RAD54L: variants seen among roughly 807,000 people sequenced by gnomAD.
RAD54L encodes the protein DNA repair and recombination protein RAD54-like.
Under a neutral mutation model 91.6 loss-of-function variants are expected in RAD54L, and 74 were observed. That is an observed-to-expected ratio of 0.81 (90% CI 0.67 to 0.98). RAD54L has a LOEUF of 0.98. Ranked by LOEUF, RAD54L falls within the 50% of genes least tolerant of loss-of-function variation. The pLI, the probability that RAD54L is intolerant of heterozygous loss-of-function variation, is 0.00. For missense variants in RAD54L, 887 were observed against 945.7 expected (o/e 0.94, Z 0.81); for synonymous variants, 304 against 349.7 (o/e 0.87, Z 1.46).
At chr1:46,255,577 CA>C (rs1659919805) in intron 3 of RAD54L, among the ~76,000 whole-genome samples, 1 of 148,470 alleles carries the variant, frequency 6.7e-6, no homozygotes, top group Admixed American at 6.9e-5. Context: ...CGGCTCACTG[CA>C]GCCTCTGCCT....
intron 3 of RAD54L, among the ~76,000 whole-genome samples, chr1:46,250,743 G>A (rs1659774941): frequency 6.6e-6 from 1 of 152,196 alleles, no homozygotes; most frequent in South Asian, 2.1e-4. Context: ...GGAAGGCTGA[G>A]ATGGGTGGAT....
intron 8 of RAD54L, among the ~76,000 whole-genome samples, chr1:46,261,855 C>T (rs374160907): frequency 1.3e-5 from 2 of 152,234 alleles, no homozygotes; most frequent in Non-Finnish European, 2.9e-5. Context: ...GGGCTGGCCA[C>T]GATGATTCAC....
intron 16 of RAD54L, 98 bp from the exon 17 acceptor site, chr1:46,277,719 G>A (rs1456324284): frequency 4.4e-6 from 6 of 1,352,724 alleles, no homozygotes; most frequent in African/African-American, 4.3e-5. Flanking sequence ...TCCTCTTCTC[G>A]GGTAGCTGTA....
chr1:46,261,187 G>C, intron 7 of RAD54L, 74 bp from the exon 8 acceptor site: 1 of 1,584,246 alleles, frequency 6.3e-7, no homozygotes, highest in South Asian at 1.1e-5. Context: ...TTAAAGAACT[G>C]TCTAATTGTT....
intron 1 of RAD54L, 35 bp from the exon 2 acceptor site, chr1:46,248,477 T>G (rs750212583): frequency 6.2e-7 from 1 of 1,613,668 alleles, no homozygotes; most frequent in East Asian, 2.2e-5. Flanking sequence ...GGCTGCAGGA[T>G]CCTTGCAGGC....
chr1:46,257,283 G>GT (rs1299549829), intron 3 of RAD54L, among the ~76,000 whole-genome samples: 2 of 151,870 alleles, frequency 1.3e-5, no homozygotes, highest in Non-Finnish European at 2.9e-5. Flanking sequence ...ATTAGACTAT[G>GT]TTTTTTGCTA....
chr1:46,250,121 T>C lies in RAD54L; in HGVS notation c.210+2T>C, dbSNP rs1659757914. 1 of 1,614,076 alleles carries C rather than the reference T, an allele frequency of 6.2e-7. No homozygotes were observed. Among genetic ancestry groups the C allele is most frequent in the African/African-American group, 1.3e-5 (1 of 74,938 alleles). On this transcript the variant is annotated splice_donor_variant, in intron 3 of 17. Coordinates refer to ENST00000371975, the MANE Select transcript of RAD54L (RefSeq NM_003579.4). LOFTEE classifies it high-confidence loss of function. ...CCTTGTCTGGACAGCAGTCAGCATG[T>C]AAGCCAGAACTGCAACCTGCATGTG...
At chr1:46,273,022 C>T (rs1033933608) in intron 12 of RAD54L, among the ~76,000 whole-genome samples, 1 of 152,212 alleles carries the variant, frequency 6.6e-6, no homozygotes, top group Non-Finnish European at 1.5e-5. Flanking sequence ...CCAGCCCATG[C>T]TTGATGACCT....
At chr1:46,259,301 G>T (rs373404050) in intron 4 of RAD54L, among the ~76,000 whole-genome samples, 1 of 151,984 alleles carries the variant, frequency 6.6e-6, no homozygotes, top group Non-Finnish European at 1.5e-5. Context: ...ACAGGCTTGA[G>T]ATACTACGCT....
intron 8 of RAD54L, among the ~76,000 whole-genome samples, chr1:46,266,472 A>C (rs1490302147): frequency 6.6e-6 from 1 of 152,234 alleles, no homozygotes; most frequent in Non-Finnish European, 1.5e-5. Flanking sequence ...AATCTTGCCC[A>C]TGTAGTTCTT....
At position 46,278,230 on chromosome 1, in the gene RAD54L, T is replaced by A; in HGVS notation, c.2192T>A (p.Ile731Asn). The change falls in exon 18 of 18, where the codon ATC becomes AAC. Residue 731 changes from isoleucine to asparagine, a missense_variant. Transcript: ENST00000371975. The part of the protein sequence containing the change: ...QAAWDAASTA[I>N]TFVFHQRSHE... ...GCCTGGGATGCTGCCTCCACTGCCA[T>A]CACCTTCGTCTTCCACCAGCGTTCT... 1 of 1,613,938 alleles carries A rather than the reference T, an allele frequency of 6.2e-7. No homozygotes were observed. The highest frequency in any genetic ancestry group is 8.5e-7 in the Non-Finnish European group (1 of 1,179,974).
chr1:46,267,333 G>T, intron 8 of RAD54L, 126 bp from the exon 9 acceptor site: 1 of 1,253,962 alleles, frequency 8.0e-7, no homozygotes, highest in Non-Finnish European at 1.1e-6. Flanking sequence ...CAAAGTGCTG[G>T]GATTACAGGC....
intron 8 of RAD54L, among the ~76,000 whole-genome samples, chr1:46,262,926 T>G (rs1256309806): frequency 6.6e-6 from 1 of 152,096 alleles, no homozygotes; most frequent in Non-Finnish European, 1.5e-5. Flanking sequence ...ACAAGTTACT[T>G]TATCAGCTGA....
At position 46,276,890 on chromosome 1, in the gene RAD54L, T is replaced by G. The variant is rs554250500; in HGVS notation, c.1870-927T>G. ...ATCTCAGCTCACTGCAACCTCTGCT[T>G]CCCGGGTTCAAGCGATTCTCCTGCT... On this transcript the variant is annotated intron_variant, in intron 16 of 17. Transcript: ENST00000371975. 1.1e-4 allele frequency among the ~76,000 whole-genome samples: 17 copies of G among 152,302 alleles called. No homozygotes were observed. The East Asian group carries it at 3.1e-3, about 28-fold the overall frequency.
chr1:46,258,758 G>T lies in RAD54L; in HGVS notation c.271+12G>T. 6.4e-7 allele frequency: 1 copy of T among 1,571,944 alleles called. No individual in the cohort carries two copies. Among genetic ancestry groups the T allele is most frequent in the Non-Finnish European group, 8.8e-7 (1 of 1,141,722 alleles). ...TCCAAATTATCAAGGTAAAATGGAG[G>T]TTTTTCTGTTTTTGAAATCAGTCAT... On this transcript the variant is annotated intron_variant, in intron 4 of 17. Transcript: ENST00000371975.
At chr1:46,258,949 ATCT>A (rs1660014856) in intron 4 of RAD54L, among the ~76,000 whole-genome samples, 1 of 152,190 alleles carries the variant, frequency 6.6e-6, no homozygotes, top group Non-Finnish European at 1.5e-5. Flanking sequence ...ACTGCCCCTC[ATCT>A]TCTTGGTAGA....
At chr1:46,272,025 C>CTATTTTT (rs1660443067) in intron 10 of RAD54L, among the ~76,000 whole-genome samples, 1 of 41,170 alleles carries the variant, frequency 2.4e-5, no homozygotes, top group Non-Finnish European at 4.0e-5. Flanking sequence ...GGTCTGATGA[C>CTATTTTT]TTTTTTTTTT....
At chr1:46,277,383 A>G in intron 16 of RAD54L, 1 of 250,478 alleles carries the variant, frequency 4.0e-6, no homozygotes, top group East Asian at 1.0e-4. Flanking sequence ...TCAACTGTTT[A>G]AATGTTTGTC....
chr1:46,268,980 G>T (rs1194549687), intron 9 of RAD54L, among the ~76,000 whole-genome samples: 1 of 152,156 alleles, frequency 6.6e-6, no homozygotes, highest in African/African-American at 2.4e-5. Flanking sequence ...GCTCAGGCTG[G>T]TCTTGAATTC....
Sources: gnomAD v4.1 joint callset for allele counts (sites outside exome capture counted in the v4.1 genomes callset) on GRCh38, gnomAD v4.1.1 for gene constraint, MANE v1.5 for transcripts, NCBI Gene and HGNC (gene_info 2026-07-23, HGNC 2026-07-21) for gene names.